ADGRB3: variants seen among roughly 807,000 people sequenced by gnomAD.
ADGRB3 encodes brain-specific angiogenesis inhibitor 3.
Under a neutral mutation model 193.4 loss-of-function variants are expected in ADGRB3, and 37 were observed. The ratio of observed to expected loss-of-function variants is 0.19; its 90% CI spans 0.15 to 0.25. The LOEUF (loss-of-function observed/expected upper bound fraction) is 0.25, where lower values mean the gene tolerates loss of function less well. Among genes scored for constraint, ADGRB3 ranks in the 10% least tolerant of loss-of-function variants. The pLI is 1.00. For synonymous variants in ADGRB3, 690 were observed against 644.2 expected (o/e 1.07, Z -1.08); for missense variants, 1,637 against 1,852.9 (o/e 0.88, Z 2.14).
intron 20 of ADGRB3, among the ~76,000 whole-genome samples, chr6:69,266,365 G>T (rs1191262549): frequency 6.6e-6 from 1 of 151,860 alleles, no homozygotes; most frequent in East Asian, 1.9e-4. Context: ...TGTGCACTTT[G>T]CCAGAGTTAG....
intron 3 of ADGRB3, among the ~76,000 whole-genome samples, chr6:68,754,326 A>G (rs963650335): frequency 4.6e-5 from 7 of 152,156 alleles, no homozygotes; most frequent in African/African-American, 1.7e-4. Flanking sequence ...TTAGAAACCA[A>G]GAAATCAGAG....
chr6:69,006,626 C>T (rs1223602127), intron 11 of ADGRB3, among the ~76,000 whole-genome samples: 2 of 151,812 alleles, frequency 1.3e-5, no homozygotes, highest in East Asian at 3.9e-4. Context: ...CTGCCTTAGC[C>T]TCCTAAGTAG....
intron 20 of ADGRB3, among the ~76,000 whole-genome samples, chr6:69,302,167 G>T (rs1767961310): frequency 6.6e-6 from 1 of 151,862 alleles, no homozygotes; most frequent in African/African-American, 2.4e-5. Context: ...AAAACAAAAT[G>T]CCATGAAGGA....
intron 3 of ADGRB3, among the ~76,000 whole-genome samples, chr6:68,671,517 A>G (rs1768959220): frequency 6.6e-6 from 1 of 152,078 alleles, no homozygotes; most frequent in African/African-American, 2.4e-5. Context: ...AAATGATCAT[A>G]TGGCTTTTAT....
intron 17 of ADGRB3, among the ~76,000 whole-genome samples, chr6:69,085,486 T>C (rs932641501): frequency 6.6e-6 from 1 of 152,094 alleles, no homozygotes; most frequent in African/African-American, 2.4e-5. Context: ...TGGTTCTATT[T>C]TGAAAAGACT....
chr6:68,715,811 G>T (rs1037348683), intron 3 of ADGRB3, among the ~76,000 whole-genome samples: 13 of 151,794 alleles, frequency 8.6e-5, no homozygotes, highest in Middle Eastern at 3.4e-3. Context: ...ACTCACAATG[G>T]TATAATAAAA....
chr6:69,330,599 T>G (rs754055978), intron 23 of ADGRB3, 27 bp downstream of exon 23: 73 of 1,572,292 alleles, frequency 4.6e-5, no homozygotes, highest in Non-Finnish European at 6.1e-5. Context: ...ACCTATTTTG[T>G]TTTCTTAGGA....
intron 3 of ADGRB3, among the ~76,000 whole-genome samples, chr6:68,703,407 T>C (rs1263984254): frequency 6.6e-6 from 1 of 152,174 alleles, no homozygotes; most frequent in Non-Finnish European, 1.5e-5. Flanking sequence ...TATCAATTTA[T>C]AGTCATAAAG....
intron 26 of ADGRB3, among the ~76,000 whole-genome samples, chr6:69,349,404 A>C (rs988247499): frequency 6.6e-6 from 1 of 152,310 alleles, no homozygotes; most frequent in African/African-American, 2.4e-5. Flanking sequence ...TTGGGACTGA[A>C]ATTTGCATCT....
intron 3 of ADGRB3, among the ~76,000 whole-genome samples, chr6:68,757,706 A>C (rs368220036): frequency 6.6e-6 from 1 of 152,076 alleles, no homozygotes; most frequent in Non-Finnish European, 1.5e-5. Context: ...ACAGAAAAAA[A>C]ATTTAAAACC....
At chr6:69,215,828 G>A (rs572464025) in intron 17 of ADGRB3, among the ~76,000 whole-genome samples, 3 of 152,192 alleles carry the variant, frequency 2.0e-5, no homozygotes, top group South Asian at 4.1e-4. Flanking sequence ...GAGAAGAGTG[G>A]GTGGTTGTCT....
At chr6:68,971,102 GA>G (rs1768554610) in intron 8 of ADGRB3, among the ~76,000 whole-genome samples, 1 of 152,104 alleles carries the variant, frequency 6.6e-6, no homozygotes, top group South Asian at 2.1e-4. Flanking sequence ...CTGAACCAAA[GA>G]AACACATATA....
At chr6:69,076,141 T>C in intron 17 of ADGRB3, 103 bp downstream of exon 17, 1 of 985,688 alleles carries the variant, frequency 1.0e-6, no homozygotes, top group East Asian at 2.5e-5. Flanking sequence ...GTCAGTGGGA[T>C]GTTGCATTCA....
chr6:69,213,837 T>TA (rs1181888266), intron 17 of ADGRB3, among the ~76,000 whole-genome samples: 1 of 152,146 alleles, frequency 6.6e-6, no homozygotes, highest in Non-Finnish European at 1.5e-5. Context: ...TATTTTACTA[T>TA]ATTCCAAGTT....
chr6:68,741,400 C>A (rs1180892073), intron 3 of ADGRB3, among the ~76,000 whole-genome samples: 3 of 151,938 alleles, frequency 2.0e-5, no homozygotes, highest in Admixed American at 2.0e-4. Flanking sequence ...ATTTTTGAGA[C>A]AGGGCCTGGC....
chr6:68,690,868 T>C (rs1409830945), intron 3 of ADGRB3, among the ~76,000 whole-genome samples: 1 of 152,162 alleles, frequency 6.6e-6, no homozygotes, highest in Non-Finnish European at 1.5e-5. Flanking sequence ...CCCATTTATT[T>C]CGTAGAGAAC....
intron 15 of ADGRB3, among the ~76,000 whole-genome samples, chr6:69,051,672 C>T (rs1313974055): frequency 6.6e-6 from 1 of 152,158 alleles, no homozygotes; most frequent in Admixed American, 6.5e-5. Flanking sequence ...TCAAAACATT[C>T]TTCCAGAAAG....
In ADGRB3 at chr6:69,051,903, C is replaced by CT. The variant is rs201159374; in HGVS notation, c.2333+2566dup. 1.2e-4 allele frequency among the ~76,000 whole-genome samples: 18 copies of CT among 151,442 alleles called. No homozygotes were observed. The East Asian group carries it at 2.5e-3, about 21-fold the overall frequency. On this transcript the variant is annotated intron_variant, in intron 15 of 31. Transcript: ENST00000370598. ...ATTTTTTTCTGTAATAATTAATTTT[C>CT]TTTTTTTTTGAGACGGAGTCTCGCT...
At chr6:69,290,118 T>C (rs1034608746) in intron 20 of ADGRB3, among the ~76,000 whole-genome samples, 1 of 152,092 alleles carries the variant, frequency 6.6e-6, no homozygotes, top group African/African-American at 2.4e-5. Flanking sequence ...TTGTGAGGCA[T>C]ACTAAAGGAG....
Sources: allele counts gnomAD v4.1 joint callset (sites outside exome capture counted in the v4.1 genomes callset), GRCh38; gene constraint gnomAD v4.1.1; transcripts MANE v1.5; gene names NCBI Gene and HGNC (gene_info 2026-07-23, HGNC 2026-07-21).